The following CNTN4 variants were observed in gnomAD, a reference collection of about 807,000 sequenced individuals.
The protein encoded by CNTN4 is contactin 4, also known as contactin-4.
Under a neutral mutation model 122.5 loss-of-function variants are expected in CNTN4, and 77 were observed. The ratio of observed to expected loss-of-function variants is 0.63; its 90% confidence interval spans 0.52 to 0.76. The LOEUF is 0.76. Ranked by LOEUF, CNTN4 falls within the 30% of genes least tolerant of loss-of-function variation. The pLI is 0.00. For synonymous variants in CNTN4, 512 were observed against 447.0 expected (o/e 1.15, Z -1.83); for missense variants, 1,256 against 1,259.1 (o/e 1.00, Z 0.04).
intron 6 of CNTN4, among the ~76,000 whole-genome samples, chr3:2,750,391 A>G (rs1444548677): frequency 6.6e-6 from 1 of 152,222 alleles, no homozygotes; most frequent in African/African-American, 2.4e-5. Context: ...GAACTTAGTC[A>G]TGTCTTGTAT....
chr3:2,386,089 T>C (rs993097345), intron 3 of CNTN4, among the ~76,000 whole-genome samples: 9 of 152,062 alleles, frequency 5.9e-5, no homozygotes, highest in African/African-American at 2.2e-4. Context: ...ATCTATGACA[T>C]TGGTTAGATT....
chr3:2,427,636 T>G (rs554108940), intron 3 of CNTN4, among the ~76,000 whole-genome samples: 8 of 152,270 alleles, frequency 5.3e-5, no homozygotes, highest in African/African-American at 1.7e-4. Context: ...TTGTTAATTT[T>G]CTGCCTCATG....
chr3:2,451,395 A>G (rs943057449), intron 3 of CNTN4, among the ~76,000 whole-genome samples: 2 of 151,632 alleles, frequency 1.3e-5, no homozygotes, highest in Non-Finnish European at 2.9e-5. Context: ...ATGATTTGAA[A>G]TGAGAGGAAT....
chr3:2,945,882 G>A lies in CNTN4; in HGVS notation c.1358+20103G>A, dbSNP rs547261311. 1.3e-4 allele frequency among the ~76,000 whole-genome samples: 20 copies of A among 152,246 alleles called. No individual in the cohort carries two copies. The East Asian group carries it at 2.1e-3, about 16-fold the overall frequency. ...CCCATTATATATACATCACAATATAGTTATGCATTCAAATTCATTTGGAAT... is the reference window on the plus strand; with the variant it reads ...CCCATTATATATACATCACAATATAATTATGCATTCAAATTCATTTGGAAT... On this transcript the variant is annotated intron_variant, in intron 13 of 24. Transcript: ENST00000418658.
intron 3 of CNTN4, among the ~76,000 whole-genome samples, chr3:2,450,292 G>C (rs188740965): frequency 1.1e-3 from 163 of 151,910 alleles, no homozygotes; most frequent in Non-Finnish European, 2.0e-3. Flanking sequence ...ACTTGAGCCT[G>C]GGAGGTCAAG....
intron 6 of CNTN4, among the ~76,000 whole-genome samples, chr3:2,793,516 C>T (rs574585021): frequency 7.9e-5 from 12 of 152,068 alleles, no homozygotes; most frequent in East Asian, 1.9e-4. Context: ...TGAAATATGA[C>T]GTGGTTTTGG....
At position 2,501,927 on chromosome 3, in the gene CNTN4, C is replaced by T. The variant is rs75733646; in HGVS notation, c.-88-69489C>T. Among the ~76,000 whole-genome samples, 593 of 152,264 alleles carry T rather than the reference C, an allele frequency of 3.9e-3. 1 individual carries two copies. Among genetic ancestry groups the T allele is most frequent in the South Asian group, 0.019 (91 of 4,830 alleles). On this transcript the variant is annotated intron_variant, in intron 3 of 24. Coordinates refer to ENST00000418658, the MANE Select transcript of CNTN4 (RefSeq NM_175607.3). ...TTGCTTTCTGATGGTTCAGTGTACA[C>T]AAACTTCATTTCATGCAGAAAATTA...
At chr3:2,661,809 C>CAAAAAAAAAAAAAAAAAAAAAAAAAAAA in intron 4 of CNTN4, among the ~76,000 whole-genome samples, 1 of 78,494 alleles carries the variant, frequency 1.3e-5, no homozygotes, top group Non-Finnish European at 2.5e-5. Flanking sequence ...AATTCCATCT[C>CAAAAAAAAAAAAAAAAAAAAAAAAAAAA]AAAAAAAAAA....
chr3:2,279,218 G>A lies in CNTN4; in HGVS notation c.-144-59960G>A, dbSNP rs957510876. On this transcript the variant is annotated intron_variant, in intron 2 of 24. Coordinates refer to ENST00000418658, the MANE Select transcript of CNTN4 (RefSeq NM_175607.3). ...GGATTAATAAATTTGATAATGAGGG[G>A]CTGGATAATTGTATAATGTCAAGGT... is the stretch of plus-strand genomic sequence containing the variant. 5.3e-4 allele frequency among the ~76,000 whole-genome samples: 80 copies of A among 152,212 alleles called. 1 individual carries two copies. The highest frequency in any genetic ancestry group is 1.8e-3 in the African/African-American group (76 of 41,538).
intron 7 of CNTN4, among the ~76,000 whole-genome samples, chr3:2,824,861 C>T (rs2092953544): frequency 6.6e-6 from 1 of 152,046 alleles, no homozygotes; most frequent in Admixed American, 6.6e-5. Flanking sequence ...TGAGGTTTCA[C>T]CATGTTGGCC....
chr3:2,321,729 G>C (rs2043282485), intron 2 of CNTN4, among the ~76,000 whole-genome samples: 1 of 151,894 alleles, frequency 6.6e-6, no homozygotes, highest in Admixed American at 6.6e-5. Context: ...CATGGATGTG[G>C]TTAGGAAAGT....
chr3:2,360,345 A>G (rs1311817433), intron 3 of CNTN4, among the ~76,000 whole-genome samples: 1 of 152,182 alleles, frequency 6.6e-6, no homozygotes. Flanking sequence ...TGGAATCCTT[A>G]GGGTTTTCCT....
At chr3:2,551,926 A>G (rs1357113030) in intron 3 of CNTN4, among the ~76,000 whole-genome samples, 3 of 152,148 alleles carry the variant, frequency 2.0e-5, no homozygotes, top group Non-Finnish European at 4.4e-5. Context: ...ATCAGAGAGG[A>G]AATAAAATGG....
At chr3:2,441,286 TAATA>T (rs1398619412) in intron 3 of CNTN4, among the ~76,000 whole-genome samples, 7 of 152,228 alleles carry the variant, frequency 4.6e-5, no homozygotes, top group African/African-American at 1.7e-4. Flanking sequence ...TGATATGCAG[TAATA>T]AGCACATGTA....
intron 4 of CNTN4, 198 bp from the exon 5 acceptor site, chr3:2,736,005 AATAAGAGGGCTT>A (rs2089061474): frequency 1.5e-6 from 1 of 687,182 alleles, no homozygotes; most frequent in African/African-American, 1.8e-5. Flanking sequence ...ACCAATGTGA[AATAAGAGGGCTT>A]ATATTTTCAC....
chr3:2,588,050 CTCTT>C (rs2080285416), intron 4 of CNTN4, among the ~76,000 whole-genome samples: 1 of 151,828 alleles, frequency 6.6e-6, no homozygotes, highest in Non-Finnish European at 1.5e-5. Flanking sequence ...TATTATTATT[CTCTT>C]TAATTTTTTA....
chr3:2,522,257 A>AC (rs553202135), intron 3 of CNTN4, among the ~76,000 whole-genome samples: 43 of 152,102 alleles, frequency 2.8e-4, no homozygotes, highest in Admixed American at 1.4e-3. Context: ...TAGTCTAGAA[A>AC]CATGCCTTTT....
At chr3:2,519,817 C>G (rs569912117) in intron 3 of CNTN4, among the ~76,000 whole-genome samples, 15 of 152,120 alleles carry the variant, frequency 9.9e-5, no homozygotes, top group Non-Finnish European at 1.9e-4. Flanking sequence ...CAGTTTTCAA[C>G]TTCTATGGTA....
chr3:2,868,888 C>T (rs917164106), intron 8 of CNTN4, among the ~76,000 whole-genome samples: 1 of 152,022 alleles, frequency 6.6e-6, no homozygotes, highest in Non-Finnish European at 1.5e-5. Context: ...CCATGGAAAG[C>T]CTTTCTAAGG....
Sources: gnomAD v4.1 joint callset for allele counts (sites outside exome capture counted in the v4.1 genomes callset) on GRCh38, gnomAD v4.1.1 for gene constraint, MANE v1.5 for transcripts, NCBI Gene and HGNC (gene_info 2026-07-23, HGNC 2026-07-21) for gene names.